Variants in CAMK2D observed in about 807,000 individuals in gnomAD.
CAMK2D encodes calcium/calmodulin-dependent protein kinase type II subunit delta.
In CAMK2D, 37 loss-of-function variants were observed where a neutral mutation model predicts 84.0. That is an observed-to-expected ratio of 0.44 (90% confidence interval 0.34 to 0.58). CAMK2D has a LOEUF of 0.58. CAMK2D is among the 20% of genes least tolerant of loss of function. The probability of loss-of-function intolerance (pLI) is 0.02; values close to 1 mark genes in which losing one functional copy is unlikely to be tolerated. For missense variants in CAMK2D, 448 were observed against 652.5 expected (o/e 0.69, Z 3.41); for synonymous variants, 202 against 212.5 (o/e 0.95, Z 0.43).
At position 113,454,442 on chromosome 4, in the gene CAMK2D, G is replaced by A. The variant is rs2097280561; in HGVS notation, c.*103C>T. 1 of 773,034 alleles carries A rather than the reference G, an allele frequency of 1.3e-6. No homozygotes were observed. Among genetic ancestry groups the A allele is most frequent in the South Asian group, 1.4e-5 (1 of 73,552 alleles). 47.9% of individuals were successfully genotyped at this position (773,034 alleles called of 1,614,324 possible). ...ACTCAGAAACATGCATGAAGAGGAG[G>A]AGAGGACGGCCCAGGGTCACCATCC... is the stretch of plus-strand genomic sequence containing the variant. On this transcript the variant is annotated 3_prime_UTR_variant, in exon 21 of 21. Coordinates refer to ENST00000511664, the MANE Select transcript of CAMK2D (RefSeq NM_001321571.2).
At chr4:113,593,607 G>T (rs2098905465) in intron 4 of CAMK2D, among the ~76,000 whole-genome samples, 1 of 152,188 alleles carries the variant, frequency 6.6e-6, no homozygotes, top group African/African-American at 2.4e-5. Context: ...TCTGCTTCTG[G>T]AAGAAGGAGG....
chr4:113,674,899 G>A (rs2099311932), intron 2 of CAMK2D, among the ~76,000 whole-genome samples: 1 of 151,694 alleles, frequency 6.6e-6, no homozygotes, highest in Non-Finnish European at 1.5e-5. Context: ...TCTACTATTT[G>A]CTCCTTAAAA....
intron 12 of CAMK2D, among the ~76,000 whole-genome samples, chr4:113,512,232 G>A (rs927109598): frequency 1.3e-5 from 2 of 152,132 alleles, no homozygotes; most frequent in African/African-American, 4.8e-5. Context: ...TTTGACTTTT[G>A]GGAACCTGGT....
At chr4:113,699,050 G>A (rs1312298689) in intron 2 of CAMK2D, among the ~76,000 whole-genome samples, 1 of 152,034 alleles carries the variant, frequency 6.6e-6, no homozygotes. Flanking sequence ...TAGAAGAAAT[G>A]ATGTTTCTCA....
chr4:113,735,829 A>C (rs1348441208), intron 2 of CAMK2D, among the ~76,000 whole-genome samples: 1 of 152,158 alleles, frequency 6.6e-6, no homozygotes, highest in African/African-American at 2.4e-5. Flanking sequence ...TATTTATGTA[A>C]ATATATTATC....
At chr4:113,592,101 A>G (rs2098890778) in intron 4 of CAMK2D, among the ~76,000 whole-genome samples, 1 of 152,142 alleles carries the variant, frequency 6.6e-6, no homozygotes, top group Admixed American at 6.6e-5. Context: ...TGTCTAAAGT[A>G]CCAAAGCTGA....
At chr4:113,759,006 A>C (rs2099634857) in intron 2 of CAMK2D, 1 of 169,326 alleles carries the variant, frequency 5.9e-6, no homozygotes, top group Admixed American at 6.3e-5. Context: ...CCATGGTCTA[A>C]AAGTTGTTTT....
intron 2 of CAMK2D, among the ~76,000 whole-genome samples, chr4:113,749,513 A>G (rs988300772): frequency 4.6e-5 from 7 of 152,240 alleles, no homozygotes; most frequent in African/African-American, 1.4e-4. Flanking sequence ...AAAACTCTAT[A>G]AAGTGTCACC....
chr4:113,752,389 C>A (rs558177626), intron 2 of CAMK2D, among the ~76,000 whole-genome samples: 24 of 152,058 alleles, frequency 1.6e-4, no homozygotes, highest in African/African-American at 5.1e-4. Flanking sequence ...ACTTGCTGCA[C>A]CTAAGTTATT....
intron 3 of CAMK2D, among the ~76,000 whole-genome samples, chr4:113,619,839 C>G (rs2099037671): frequency 6.6e-6 from 1 of 151,932 alleles, no homozygotes; most frequent in Admixed American, 6.6e-5. Flanking sequence ...AATACAAACC[C>G]CTTTACAGAA....
rs558018029 is a variant in CAMK2D at position 113,670,983 on chromosome 4, A to G, written c.161-9211T>C. On this transcript the variant is annotated intron_variant, in intron 2 of 20. Coordinates refer to ENST00000511664, the MANE Select transcript of CAMK2D (RefSeq NM_001321571.2). ...TAACCATCTTTTTCCAGTGGCCCCA[A>G]TGATTTTTACAGGCAGTTGTACAGT... 1.1e-4 allele frequency among the ~76,000 whole-genome samples: 16 copies of G among 152,098 alleles called. 1 individual carries two copies. In the South Asian group the frequency reaches 2.1e-3, roughly 20 times the overall value.
At chr4:113,694,500 C>T (rs940529793) in intron 2 of CAMK2D, among the ~76,000 whole-genome samples, 2 of 152,036 alleles carry the variant, frequency 1.3e-5, no homozygotes, top group Admixed American at 1.3e-4. Context: ...TTATAAGAGG[C>T]TCTTATTTGG....
chr4:113,558,412 A>G (rs928792764), intron 4 of CAMK2D, among the ~76,000 whole-genome samples: 6 of 152,216 alleles, frequency 3.9e-5, no homozygotes, highest in Non-Finnish European at 8.8e-5. Context: ...GCTATCATTA[A>G]ATTATATATG....
chr4:113,668,602 T>A (rs1039561304), intron 2 of CAMK2D, among the ~76,000 whole-genome samples: 2 of 152,208 alleles, frequency 1.3e-5, no homozygotes, highest in African/African-American at 4.8e-5. Flanking sequence ...ACATGTATCC[T>A]ATTATAAAAA....
intron 16 of CAMK2D, among the ~76,000 whole-genome samples, chr4:113,468,429 T>C (rs1440477589): frequency 1.3e-5 from 2 of 152,200 alleles, no homozygotes; most frequent in Non-Finnish European, 2.9e-5. Flanking sequence ...CAGGAATCTT[T>C]AGAGTGCTTA....
At chr4:113,588,283 T>C (rs1397476291) in intron 4 of CAMK2D, among the ~76,000 whole-genome samples, 1 of 152,142 alleles carries the variant, frequency 6.6e-6, no homozygotes, top group African/African-American at 2.4e-5. Flanking sequence ...TAAAAATAAG[T>C]AGCCAAATGT....
chr4:113,564,361 T>G (rs1466331976), intron 4 of CAMK2D, among the ~76,000 whole-genome samples: 1 of 152,206 alleles, frequency 6.6e-6, no homozygotes, highest in East Asian at 1.9e-4. Flanking sequence ...TGTAATTCCT[T>G]GCTGGTAACG....
intron 2 of CAMK2D, among the ~76,000 whole-genome samples, chr4:113,739,317 C>T (rs1237328556): frequency 6.6e-6 from 1 of 152,092 alleles, no homozygotes; most frequent in African/African-American, 2.4e-5. Context: ...AGTCCTCTGC[C>T]CACTATCAAT....
At chr4:113,492,773 G>A (rs935691876) in intron 16 of CAMK2D, among the ~76,000 whole-genome samples, 3 of 146,124 alleles carry the variant, frequency 2.1e-5, no homozygotes, top group African/African-American at 5.3e-5. Context: ...ATGTGTGGGA[G>A]TCTAAGTTTC....
Sources: gnomAD v4.1 joint callset for allele counts (sites outside exome capture counted in the v4.1 genomes callset) on GRCh38, gnomAD v4.1.1 for gene constraint, MANE v1.5 for transcripts, NCBI Gene and HGNC (gene_info 2026-07-23, HGNC 2026-07-21) for gene names.